Variants in MAGI2 observed in about 807,000 individuals in gnomAD.
MAGI2 encodes the protein membrane associated guanylate kinase, WW and PDZ domain containing 2, also known as membrane-associated guanylate kinase, WW and PDZ domain-containing protein 2.
Under a neutral mutation model 133.3 loss-of-function variants are expected in MAGI2, and 35 were observed. The ratio of observed to expected loss-of-function variants is 0.26; its 90% CI spans 0.20 to 0.35. The LOEUF (loss-of-function observed/expected upper bound fraction) is 0.35. Ranked by LOEUF, MAGI2 falls within the 10% of genes least tolerant of loss-of-function variation. The pLI is 1.00. For synonymous variants in MAGI2, 729 were observed against 710.6 expected, an observed-to-expected ratio of 1.03 and a Z score of -0.41; for missense variants, 1,636 against 1,863.4, an observed-to-expected ratio of 0.88 and a Z score of 2.25.
chr7:78,267,967 A>C (rs910306461), intron 9 of MAGI2, among the ~76,000 whole-genome samples: 2 of 152,180 alleles, frequency 1.3e-5, no homozygotes, highest in Non-Finnish European at 2.9e-5. Flanking sequence ...AAGTTAGCAG[A>C]GAATCATCAC....
intron 6 of MAGI2, among the ~76,000 whole-genome samples, chr7:78,413,124 T>TCTTA (rs150775148): frequency 4.2e-4 from 64 of 152,200 alleles, no homozygotes; most frequent in African/African-American, 1.5e-3. Flanking sequence ...CTTCTTTGGG[T>TCTTA]CTTAGTTCCC....
chr7:78,678,844 A>G (rs1815331145), intron 2 of MAGI2, among the ~76,000 whole-genome samples: 1 of 152,094 alleles, frequency 6.6e-6, no homozygotes, highest in Non-Finnish European at 1.5e-5. Context: ...CTCTTGTTTT[A>G]TTTTTGAAAT....
intron 20 of MAGI2, among the ~76,000 whole-genome samples, chr7:78,114,127 T>C (rs1819629941): frequency 6.6e-6 from 1 of 152,218 alleles, no homozygotes; most frequent in African/African-American, 2.4e-5. Flanking sequence ...CTGCTCTTTT[T>C]ACTAGCTCGT....
chr7:78,289,061 C>G (rs551549210), intron 9 of MAGI2, among the ~76,000 whole-genome samples: 16 of 152,166 alleles, frequency 1.1e-4, no homozygotes, highest in African/African-American at 3.9e-4. Flanking sequence ...TCCAAAGGAA[C>G]GCAGCTCCTC....
intron 1 of MAGI2, among the ~76,000 whole-genome samples, chr7:79,419,399 C>T (rs1483561448): frequency 6.6e-6 from 1 of 151,794 alleles, no homozygotes; most frequent in African/African-American, 2.4e-5. Flanking sequence ...AAATGAAAGA[C>T]AGTAAGAAAA....
chr7:78,771,223 A>C (rs1290071447), intron 2 of MAGI2: 1 of 150,508 alleles, frequency 6.6e-6, no homozygotes, highest in East Asian at 2.0e-4. Flanking sequence ...CCCTTTCCCC[A>C]ACCCCCACCA....
At chr7:78,558,787 A>C (rs1195492453) in intron 3 of MAGI2, among the ~76,000 whole-genome samples, 2 of 150,232 alleles carry the variant, frequency 1.3e-5, no homozygotes, top group African/African-American at 4.9e-5. Context: ...CGTGAGGGTG[A>C]TCATACAGTG....
chr7:78,444,882 TG>T (rs1787979821), intron 6 of MAGI2, among the ~76,000 whole-genome samples: 1 of 146,644 alleles, frequency 6.8e-6, no homozygotes, highest in African/African-American at 2.5e-5. Flanking sequence ...TATATTTATA[TG>T]TATACATATG....
At chr7:78,923,330 T>G (rs1054078617) in intron 2 of MAGI2, among the ~76,000 whole-genome samples, 1 of 152,236 alleles carries the variant, frequency 6.6e-6, no homozygotes, top group Non-Finnish European at 1.5e-5. Context: ...GTTTTAGGTC[T>G]AACGTTTAAG....
chr7:78,122,558 T>C (rs1423865362), intron 20 of MAGI2, among the ~76,000 whole-genome samples: 1 of 152,204 alleles, frequency 6.6e-6, no homozygotes, highest in Non-Finnish European at 1.5e-5. Flanking sequence ...TAAATAGGCA[T>C]ACACAAATGG....
At chr7:78,293,324 A>T (rs759525247) in intron 9 of MAGI2, among the ~76,000 whole-genome samples, 9 of 152,228 alleles carry the variant, frequency 5.9e-5, no homozygotes, top group Non-Finnish European at 1.3e-4. Context: ...GCCAACAGAC[A>T]CGTGAAAAAA....
intron 2 of MAGI2, among the ~76,000 whole-genome samples, chr7:78,974,234 G>A (rs1804040908): frequency 6.6e-6 from 1 of 151,120 alleles, no homozygotes; most frequent in Non-Finnish European, 1.5e-5. Flanking sequence ...CTTTCATCCT[G>A]CTTTGAACTA....
chr7:79,339,847 G>A (rs28700941), intron 1 of MAGI2, among the ~76,000 whole-genome samples: 7,207 of 152,102 alleles, frequency 0.047, 278 homozygotes, highest in African/African-American at 0.11. Context: ...AGTGCTGAAT[G>A]CAAACAAGGA....
At chr7:79,225,645 T>G (rs531806521) in intron 1 of MAGI2, among the ~76,000 whole-genome samples, 1 of 152,232 alleles carries the variant, frequency 6.6e-6, no homozygotes, top group Non-Finnish European at 1.5e-5. Flanking sequence ...ATAGTTCTTT[T>G]GCCTTTTTAA....
intron 2 of MAGI2, among the ~76,000 whole-genome samples, chr7:78,953,926 T>G (rs1802072820): frequency 6.6e-6 from 1 of 152,166 alleles, no homozygotes; most frequent in Non-Finnish European, 1.5e-5. Flanking sequence ...ACTTAAATGT[T>G]TGAGGATGAC....
At chr7:79,245,406 G>A (rs1400372422) in intron 1 of MAGI2, among the ~76,000 whole-genome samples, 2 of 152,158 alleles carry the variant, frequency 1.3e-5, no homozygotes. Context: ...CTGCTACCCT[G>A]AAGGGGGCGT....
chr7:79,334,204 C>T (rs1447196471), intron 1 of MAGI2, among the ~76,000 whole-genome samples: 1 of 152,000 alleles, frequency 6.6e-6, no homozygotes, highest in Non-Finnish European at 1.5e-5. Context: ...ATTTCCTTAT[C>T]CATAATACAG....
intron 2 of MAGI2, among the ~76,000 whole-genome samples, chr7:78,754,802 G>A (rs1823790438): frequency 6.6e-6 from 1 of 152,198 alleles, no homozygotes; most frequent in Non-Finnish European, 1.5e-5. Flanking sequence ...TGTTGACTAA[G>A]TCAGCTTCCT....
chr7:79,342,349 G>A (rs1051638980), intron 1 of MAGI2, among the ~76,000 whole-genome samples: 1 of 152,178 alleles, frequency 6.6e-6, no homozygotes, highest in Non-Finnish European at 1.5e-5. Flanking sequence ...TAGAGCCTCA[G>A]TAAAAGAAAT....
Sources: allele counts gnomAD v4.1 joint callset (sites outside exome capture counted in the v4.1 genomes callset), GRCh38; gene constraint gnomAD v4.1.1; transcripts MANE v1.5; gene names NCBI Gene and HGNC (gene_info 2026-07-23, HGNC 2026-07-21).